The following CAMTA1 variants were observed in gnomAD, a reference collection of about 807,000 sequenced individuals.
The protein encoded by CAMTA1 is calmodulin-binding transcription activator 1.
In CAMTA1, 27 loss-of-function variants were observed where a neutral mutation model predicts 170.9. The observed-to-expected ratio is 0.16, with a 90% CI of 0.12 to 0.22. The LOEUF (loss-of-function observed/expected upper bound fraction) is 0.22. CAMTA1 is among the 10% of genes least tolerant of loss of function. The probability of loss-of-function intolerance (pLI) is 1.00; values close to 1 mark genes in which losing one functional copy is unlikely to be tolerated. For missense variants in CAMTA1, 1,619 were observed against 2,217.2 expected (o/e 0.73, Z 5.42); for synonymous variants, 833 against 891.5 (o/e 0.93, Z 1.17).
chr1:7,237,610 C>T (rs1015325407), intron 4 of CAMTA1, among the ~76,000 whole-genome samples: 1 of 152,196 alleles, frequency 6.6e-6, no homozygotes, highest in African/African-American at 2.4e-5. Context: ...CCATAAATTT[C>T]TACTTAATAT....
At chr1:7,385,012 C>T (rs1243243564) in intron 5 of CAMTA1, among the ~76,000 whole-genome samples, 1 of 152,120 alleles carries the variant, frequency 6.6e-6, no homozygotes, top group Non-Finnish European at 1.5e-5. Flanking sequence ...GGCAGTACTG[C>T]ACCAGCTGGA....
rs1407346972 is a variant in CAMTA1 at position 7,673,658 on chromosome 1, G to A, written c.2779+2621G>A. Among the ~76,000 whole-genome samples, 1 of 152,224 alleles carries A rather than the reference G, an allele frequency of 6.6e-6. No individual in the cohort carries two copies. The highest frequency in any genetic ancestry group is 1.5e-5 in the Non-Finnish European group (1 of 68,046). On this transcript the variant is annotated intron_variant, in intron 10 of 22. Coordinates refer to ENST00000303635, the MANE Select transcript of CAMTA1 (RefSeq NM_015215.4). This position sits in a 1 kb window ranked among gnomAD's most constrained non-coding sequence, Gnocchi z 4.6. ...GGAGCCACAAGGCTCAAGGCACACT[G>A]AGAGCTGGGACTCCCCTGCTAGAGC...
At position 7,049,428 on chromosome 1, in the gene CAMTA1, G is replaced by C. The variant is rs182475489; in HGVS notation, c.235-41876G>C. ...TATTGTTGCATTCCATCTTCATTTTGTGTCTCTTGATTGTTGGGGTTTTTT... is the reference window on the plus strand; with the variant it reads ...TATTGTTGCATTCCATCTTCATTTTCTGTCTCTTGATTGTTGGGGTTTTTT... On this transcript the variant is annotated intron_variant, in intron 3 of 22. Transcript: ENST00000303635. 3.1e-4 allele frequency among the ~76,000 whole-genome samples: 47 copies of C among 152,214 alleles called. 1 individual carries two copies. The highest frequency in any genetic ancestry group is 3.4e-3 in the Middle Eastern group (1 of 294).
intron 4 of CAMTA1, among the ~76,000 whole-genome samples, chr1:7,177,656 T>G (rs1038155088): frequency 2.1e-5 from 3 of 139,836 alleles, no homozygotes; most frequent in African/African-American, 8.1e-5. Flanking sequence ...CATTGAGGCC[T>G]CCTTCAACAC....
At position 6,876,255 on chromosome 1, in the gene CAMTA1, C is replaced by T. The variant is rs558453310; in HGVS notation, c.234+51045C>T. ...GTTTTCTCTTTCTTCCACCATCTGG[C>T]GTATGTTTACAATGTATCTGTCATC... On this transcript the variant is annotated intron_variant, in intron 3 of 22. Transcript: ENST00000303635. Among the ~76,000 whole-genome samples the T allele has an allele frequency of 9.9e-5, 15 of 152,068 alleles. No homozygotes were observed. In the Middle Eastern group the frequency reaches 0.01, roughly 103 times the overall value.
chr1:7,184,192 C>T (rs1483654733), intron 4 of CAMTA1, among the ~76,000 whole-genome samples: 1 of 151,854 alleles, frequency 6.6e-6, no homozygotes, highest in East Asian at 1.9e-4. Context: ...CAATTGAACG[C>T]ATGGAGATAG....
At chr1:7,122,418 G>A (rs1181419671) in intron 4 of CAMTA1, among the ~76,000 whole-genome samples, 2 of 152,042 alleles carry the variant, frequency 1.3e-5, no homozygotes, top group African/African-American at 4.8e-5. Flanking sequence ...ATATTCGTAG[G>A]GGGTGCCTGG....
chr1:7,464,243 C>A (rs181803417), intron 5 of CAMTA1, among the ~76,000 whole-genome samples: 95 of 152,268 alleles, frequency 6.2e-4, no homozygotes, highest in Non-Finnish European at 1.1e-3. Flanking sequence ...CACTCCCACA[C>A]GCGTGTGCAC....
intron 3 of CAMTA1, among the ~76,000 whole-genome samples, chr1:7,061,391 G>T (rs147280400): frequency 6.6e-6 from 1 of 152,350 alleles, no homozygotes; most frequent in Non-Finnish European, 1.5e-5. Flanking sequence ...GCTGGCGAGC[G>T]GGTGTCACCC....
intron 3 of CAMTA1, among the ~76,000 whole-genome samples, chr1:6,855,177 A>G (rs1258070445): frequency 6.6e-6 from 1 of 152,206 alleles, no homozygotes; most frequent in Non-Finnish European, 1.5e-5. Context: ...ACACAATTGC[A>G]ATTTTATATG....
At position 7,293,646 on chromosome 1, in the gene CAMTA1, G is replaced by T. The variant is rs529078887; in HGVS notation, c.438+44020G>T. On this transcript the variant is annotated intron_variant, in intron 5 of 22. Coordinates refer to ENST00000303635, the MANE Select transcript of CAMTA1 (RefSeq NM_015215.4). This position sits in a 1 kb window ranked among gnomAD's most constrained non-coding sequence, Gnocchi z 4.1. ...CTTGGTATTTCAATAAGATTGAAGGGGGGTGGAAATAGATTGCATCCCACT... is the reference window on the plus strand; with the variant it reads ...CTTGGTATTTCAATAAGATTGAAGGTGGGTGGAAATAGATTGCATCCCACT... Among the ~76,000 whole-genome samples the T allele has an allele frequency of 6.6e-6, 1 of 152,288 alleles. No individual in the cohort carries two copies. Among genetic ancestry groups the T allele is most frequent in the Admixed American group, 6.5e-5 (1 of 15,300 alleles).
chr1:7,627,556 C>T (rs768226945), intron 6 of CAMTA1, among the ~76,000 whole-genome samples: 1 of 152,170 alleles, frequency 6.6e-6, no homozygotes, highest in Non-Finnish European at 1.5e-5. Flanking sequence ...CTGTTCTCTC[C>T]ATTGTATGGA....
At chr1:7,075,446 T>C (rs1273132337) in intron 3 of CAMTA1, among the ~76,000 whole-genome samples, 1 of 152,196 alleles carries the variant, frequency 6.6e-6, no homozygotes, top group African/African-American at 2.4e-5. Flanking sequence ...TTTAAATTGG[T>C]TTCAGGACTC....
intron 4 of CAMTA1, among the ~76,000 whole-genome samples, chr1:7,145,473 A>G (rs981314129): frequency 1.5e-4 from 23 of 152,230 alleles, no homozygotes; most frequent in Non-Finnish European, 2.9e-5. Flanking sequence ...CTGTAACTTC[A>G]GAGAGAAAAT....
intron 3 of CAMTA1, among the ~76,000 whole-genome samples, chr1:7,004,490 G>C (rs925125074): frequency 1.3e-5 from 2 of 152,126 alleles, no homozygotes; most frequent in Non-Finnish European, 2.9e-5. Context: ...ATCCCACGGA[G>C]CCTTCAGAAC....
chr1:7,677,507 T>C, intron 10 of CAMTA1, 92 bp from the exon 11 acceptor site: 1 of 1,372,340 alleles, frequency 7.3e-7, no homozygotes, highest in Non-Finnish European at 1.0e-6. Flanking sequence ...CAATGAAGGG[T>C]AGTGGGGAGG....
At chr1:7,398,177 CTCTCTCTCT>C (rs1557651073) in intron 5 of CAMTA1, among the ~76,000 whole-genome samples, 10 of 42,152 alleles carry the variant, frequency 2.4e-4, no homozygotes, top group African/African-American at 9.5e-4. Context: ...CTCTCTCTCT[CTCTCTCTCT>C]CTCTCTCTAT....
intron 4 of CAMTA1, among the ~76,000 whole-genome samples, chr1:7,213,164 T>G (rs985169964): frequency 6.6e-6 from 1 of 152,252 alleles, no homozygotes; most frequent in African/African-American, 2.4e-5. Context: ...TAACTACATA[T>G]TTAGCTTTTA....
chr1:7,125,014 C>T (rs916112643), intron 4 of CAMTA1, among the ~76,000 whole-genome samples: 3 of 152,126 alleles, frequency 2.0e-5, no homozygotes, highest in Admixed American at 1.3e-4. Flanking sequence ...TGTGAGCACC[C>T]AGGGAGCTCC....
Sources: allele counts gnomAD v4.1 joint callset (sites outside exome capture counted in the v4.1 genomes callset), GRCh38; gene constraint gnomAD v4.1.1; non-coding constraint Gnocchi (gnomAD v3.1); transcripts MANE v1.5; gene names NCBI Gene and HGNC (gene_info 2026-07-23, HGNC 2026-07-21).